Variants in SH3RF3 observed in about 807,000 individuals in gnomAD.
SH3RF3 encodes the protein E3 ubiquitin-protein ligase SH3RF3.
Under a neutral mutation model 66.3 loss-of-function variants are expected in SH3RF3, and 29 were observed. The ratio of observed to expected loss-of-function variants is 0.44; its 90% CI spans 0.33 to 0.60. SH3RF3 has a LOEUF of 0.60. Among genes scored for constraint, SH3RF3 ranks in the 20% least tolerant of loss-of-function variants. The pLI is 0.04. For synonymous variants in SH3RF3, 583 were observed against 532.0 expected, an observed-to-expected ratio of 1.10 and a Z score of -1.32; for missense variants, 1,194 against 1,190.9, an observed-to-expected ratio of 1.00 and a Z score of -0.04.
intron 3 of SH3RF3, among the ~76,000 whole-genome samples, chr2:109,376,531 A>G (rs1488631806): frequency 1.3e-5 from 2 of 152,210 alleles, no homozygotes; most frequent in African/African-American, 4.8e-5. Context: ...TCGTGATCCA[A>G]AAATAGTTCA....
chr2:109,261,573 G>T (rs1680354695), intron 1 of SH3RF3, among the ~76,000 whole-genome samples: 1 of 152,168 alleles, frequency 6.6e-6, no homozygotes, highest in African/African-American at 2.4e-5. Context: ...TGCATTCGAA[G>T]GGAAGGGTGT....
chr2:109,164,453 G>T lies in SH3RF3; in HGVS notation c.573+34340G>T, dbSNP rs560137302. 5.9e-5 allele frequency among the ~76,000 whole-genome samples: 9 copies of T among 152,258 alleles called. No individual in the cohort carries two copies. The East Asian group carries it at 1.7e-3, about 29-fold the overall frequency. On this transcript the variant is annotated intron_variant, in intron 1 of 9. Coordinates refer to ENST00000309415, the MANE Select transcript of SH3RF3 (RefSeq NM_001099289.3). ...CCTGCCTCAGCTTCCTGAGTAGCTG[G>T]GACTACAGCTGTGAGCCACAGTATT...
chr2:109,345,277 G>A (rs868009553), intron 1 of SH3RF3, among the ~76,000 whole-genome samples: 1 of 152,090 alleles, frequency 6.6e-6, no homozygotes, highest in Admixed American at 6.5e-5. Flanking sequence ...GTCTAGAGAA[G>A]GCTGATGGTG....
chr2:109,434,513 C>T (rs1158831038), intron 6 of SH3RF3, among the ~76,000 whole-genome samples: 1 of 152,242 alleles, frequency 6.6e-6, no homozygotes, highest in Non-Finnish European at 1.5e-5. Context: ...AGTGTCACCA[C>T]AGGGAGCTCT....
At chr2:109,285,421 G>A (rs1435919986) in intron 1 of SH3RF3, among the ~76,000 whole-genome samples, 1 of 152,236 alleles carries the variant, frequency 6.6e-6, no homozygotes, top group African/African-American at 2.4e-5. Flanking sequence ...GGCACAAACC[G>A]CTGATTCTCC....
chr2:109,299,612 G>A (rs1411478895), intron 1 of SH3RF3, among the ~76,000 whole-genome samples: 1 of 152,154 alleles, frequency 6.6e-6, no homozygotes, highest in Non-Finnish European at 1.5e-5. Context: ...TTCCTTGCAT[G>A]AGCTCACAGG....
At chr2:109,226,644 A>G (rs1268827307) in intron 1 of SH3RF3, among the ~76,000 whole-genome samples, 2 of 152,210 alleles carry the variant, frequency 1.3e-5, no homozygotes, top group East Asian at 3.9e-4. Context: ...TTGGTCTGCC[A>G]TCTTGACTTC....
intron 1 of SH3RF3, among the ~76,000 whole-genome samples, chr2:109,183,554 G>T (rs945671088): frequency 6.6e-6 from 1 of 152,206 alleles, no homozygotes; most frequent in Admixed American, 6.5e-5. Flanking sequence ...GAACATTTGA[G>T]TCTTACCCCA....
At chr2:109,222,007 A>G (rs948003958) in intron 1 of SH3RF3, among the ~76,000 whole-genome samples, 5 of 152,096 alleles carry the variant, frequency 3.3e-5, no homozygotes, top group African/African-American at 1.2e-4. Context: ...AGGGGATACT[A>G]TTCAGCCTTT....
At chr2:109,374,113 C>T (rs1429969404) in intron 3 of SH3RF3, among the ~76,000 whole-genome samples, 1 of 152,184 alleles carries the variant, frequency 6.6e-6, no homozygotes, top group Admixed American at 6.5e-5. Flanking sequence ...CACCTGCCCC[C>T]ACACCCCCTC....
rs537109196 is a variant in SH3RF3 at position 109,496,215 on chromosome 2, C to G, written c.2480+5279C>G. Among the ~76,000 whole-genome samples, 15 of 152,278 alleles carry G rather than the reference C, an allele frequency of 9.9e-5. No individual in the cohort carries two copies. In the East Asian group the frequency reaches 2.9e-3, roughly 29 times the overall value. On this transcript the variant is annotated intron_variant, in intron 9 of 9. Coordinates refer to ENST00000309415, the MANE Select transcript of SH3RF3 (RefSeq NM_001099289.3). ...ACAGAGTGCGGATTGGTGCATTTTACAGAGTGCTGATTGGCGCGTTTTACA... is the reference window on the plus strand; with the variant it reads ...ACAGAGTGCGGATTGGTGCATTTTAGAGAGTGCTGATTGGCGCGTTTTACA...
chr2:109,449,126 C>A, intron 7 of SH3RF3, 44 bp from the exon 8 acceptor site: 1 of 1,586,970 alleles, frequency 6.3e-7, no homozygotes, highest in Non-Finnish European at 8.6e-7. Flanking sequence ...TGGCAAGTTG[C>A]AAACTAACCT....
intron 8 of SH3RF3, among the ~76,000 whole-genome samples, chr2:109,475,010 G>A (rs951666442): frequency 2.0e-5 from 3 of 151,956 alleles, no homozygotes; most frequent in Middle Eastern, 3.2e-3. Flanking sequence ...ACGGAGTCTC[G>A]CTGTGTCACC....
intron 9 of SH3RF3, among the ~76,000 whole-genome samples, chr2:109,493,152 A>C (rs1679175654): frequency 6.6e-6 from 1 of 151,414 alleles, no homozygotes; most frequent in East Asian, 1.9e-4. Context: ...CATCATACAA[A>C]ACACATACAC....
intron 8 of SH3RF3, among the ~76,000 whole-genome samples, chr2:109,485,425 T>G (rs1298950418): frequency 1.3e-5 from 2 of 152,238 alleles, no homozygotes; most frequent in Non-Finnish European, 2.9e-5. Flanking sequence ...CAATTTTCCA[T>G]AACTTTTAAT....
intron 1 of SH3RF3, among the ~76,000 whole-genome samples, chr2:109,225,771 C>A (rs547284695): frequency 6.6e-6 from 1 of 152,164 alleles, no homozygotes; most frequent in African/African-American, 2.4e-5. Flanking sequence ...TGCTTTCTTT[C>A]GTTCTTAAAA....
At chr2:109,346,788 A>G (rs559714245) in intron 1 of SH3RF3, among the ~76,000 whole-genome samples, 2 of 152,334 alleles carry the variant, frequency 1.3e-5, no homozygotes, top group East Asian at 3.9e-4. Flanking sequence ...ATGGCAGAAC[A>G]GGTGCAGATG....
intron 1 of SH3RF3, among the ~76,000 whole-genome samples, chr2:109,221,734 G>T (rs1679248752): frequency 6.6e-6 from 1 of 152,216 alleles, no homozygotes; most frequent in South Asian, 2.1e-4. Context: ...GTGGAGAAAA[G>T]GGAACTCACA....
chr2:109,366,392 CTAAAT>C (rs1683152879), intron 2 of SH3RF3, among the ~76,000 whole-genome samples: 1 of 152,112 alleles, frequency 6.6e-6, no homozygotes, highest in African/African-American at 2.4e-5. Context: ...GATCTTTAGA[CTAAAT>C]TAAGTGGAAA....
Sources: allele counts gnomAD v4.1 joint callset (sites outside exome capture counted in the v4.1 genomes callset), GRCh38; gene constraint gnomAD v4.1.1; transcripts MANE v1.5; gene names NCBI Gene and HGNC (gene_info 2026-07-23, HGNC 2026-07-21).